Variants in MMRN1 observed in about 807,000 individuals in gnomAD.
The protein encoded by MMRN1 is multimerin-1.
In MMRN1, 94 loss-of-function variants were observed where a neutral mutation model predicts 100.7. That is an observed-to-expected ratio of 0.93 (90% CI 0.79 to 1.11). MMRN1 has a LOEUF of 1.11. MMRN1 is among the 50% of genes least tolerant of loss of function. MMRN1 has a pLI of 0.00. For missense variants in MMRN1, 1,606 were observed against 1,439.1 expected (o/e 1.12, Z -1.88); for synonymous variants, 575 against 505.0 (o/e 1.14, Z -1.86).
chr4:89,951,875 C>A, intron 7 of MMRN1, 124 bp downstream of exon 7: 1 of 1,139,240 alleles, frequency 8.8e-7, no homozygotes, highest in Non-Finnish European at 1.2e-6. Flanking sequence ...ATTCCTTTTA[C>A]TTTTTCGAAA....
intron 3 of MMRN1, among the ~76,000 whole-genome samples, chr4:89,914,673 G>A (rs1721858546): frequency 6.6e-6 from 1 of 151,302 alleles, no homozygotes; most frequent in South Asian, 2.1e-4. Context: ...TTTGCACAAG[G>A]GTTTTGCCTT....
Position 89,918,266 on chromosome 4 carries a change from C to T in MMRN1, c.851-4902C>T, listed in dbSNP as rs1198403678. On this transcript the variant is annotated intron_variant, in intron 3 of 7. Coordinates refer to ENST00000264790, the MANE Select transcript of MMRN1 (RefSeq NM_007351.3). ...CTTTGATCAGTTTTTTAACTATCTC[C>T]AGTTTAATAAGGGGAATTTTCTTTT... Among the ~76,000 whole-genome samples, 3 of 151,102 alleles carry T rather than the reference C, an allele frequency of 2.0e-5. No homozygotes were observed. In the South Asian group the frequency reaches 6.2e-4, roughly 31 times the overall value.
chr4:89,909,173 C>A (rs1420961519), intron 1 of MMRN1, 103 bp from the exon 2 acceptor site: 7 of 1,246,160 alleles, frequency 5.6e-6, no homozygotes, highest in Non-Finnish European at 7.8e-6. Context: ...GGTTTCTGAT[C>A]TATAGTATGG....
intron 6 of MMRN1, among the ~76,000 whole-genome samples, chr4:89,949,649 G>C (rs550458767): frequency 6.6e-6 from 1 of 152,196 alleles, no homozygotes; most frequent in Admixed American, 6.5e-5. Context: ...TTACACACAT[G>C]TAATATTTTA....
Position 89,895,301 on chromosome 4 carries a change from C to A in MMRN1, c.330C>A (p.Val110=). 2 of 1,613,370 alleles carry A rather than the reference C, an allele frequency of 1.2e-6. No homozygotes were observed. Among genetic ancestry groups the A allele is most frequent in the South Asian group, 2.2e-5 (2 of 91,052 alleles). ...LTSTEKAEGV[V]KLQNLTLPTN... ...CCACAGAGAAAGCAGAAGGAGTGGT[C>A]AAGTTACAGAATCTTACCCTCCCAA... The change falls in exon 1 of 8, where the codon GTC becomes GTA. Residue 110 remains valine, a synonymous_variant. Transcript: ENST00000264790.
intron 3 of MMRN1, among the ~76,000 whole-genome samples, chr4:89,919,722 T>C (rs1722029582): frequency 6.6e-6 from 1 of 152,020 alleles, no homozygotes; most frequent in African/African-American, 2.4e-5. Flanking sequence ...ATTCAAAAAT[T>C]CAAAAAATTC....
intron 4 of MMRN1, among the ~76,000 whole-genome samples, chr4:89,925,136 A>ATTAG (rs1553923744): frequency 6.6e-6 from 1 of 150,884 alleles, no homozygotes; most frequent in Non-Finnish European, 1.5e-5. Flanking sequence ...ATTCTTTTTT[A>ATTAG]TTATTTATTT....
rs1722642134 is a variant in MMRN1, at chr4:89,936,454, A to G, written c.2774A>G (p.His925Arg). 2 of 1,612,482 alleles carry G rather than the reference A, an allele frequency of 1.2e-6. No individual in the cohort carries two copies. Among genetic ancestry groups the G allele is most frequent in the Non-Finnish European group, 1.7e-6 (2 of 1,179,480 alleles). Residue 925 changes from histidine to arginine, a missense_variant, in exon 6 of 8, where the codon CAC (histidine) becomes CGC (arginine). By Grantham distance (29) the His-to-Arg change is conservative (BLOSUM62 0). Coordinates refer to ENST00000264790, the MANE Select transcript of MMRN1 (RefSeq NM_007351.3). Reference sequence around the variant, plus strand: ...TTCTTTTCGCTTAACAAAACTCTCCACGAAGTTTTAACAATGTGTCACAAT... The same window carrying G: ...TTCTTTTCGCTTAACAAAACTCTCCGCGAAGTTTTAACAATGTGTCACAAT... The part of the protein sequence containing the change: ...INFFSLNKTL[H>R]EVLTMCHNAS...
intron 6 of MMRN1, among the ~76,000 whole-genome samples, chr4:89,948,520 A>G (rs2110655241): frequency 6.6e-6 from 1 of 152,334 alleles, no homozygotes; most frequent in East Asian, 1.9e-4. Flanking sequence ...ACATCAGAGC[A>G]CAGGAGACCT....
At chr4:89,934,768 A>T in intron 5 of MMRN1, 42 bp from the exon 6 acceptor site, 1 of 1,169,950 alleles carries the variant, frequency 8.5e-7, no homozygotes. Context: ...TTAAAGTCTC[A>T]TATAATTAAA....
intron 4 of MMRN1, among the ~76,000 whole-genome samples, chr4:89,926,393 C>A (rs1056764100): frequency 3.3e-5 from 5 of 152,096 alleles, no homozygotes; most frequent in African/African-American, 1.2e-4. Flanking sequence ...TGTTAAGCAC[C>A]TTTTTATATG....
chr4:89,942,158 C>T (rs749933384), intron 6 of MMRN1, among the ~76,000 whole-genome samples: 2 of 152,144 alleles, frequency 1.3e-5, no homozygotes, highest in Non-Finnish European at 2.9e-5. Context: ...GTTCCATTTA[C>T]ACAGTCACTG....
chr4:89,947,523 C>G (rs1723025063), intron 6 of MMRN1, among the ~76,000 whole-genome samples: 1 of 152,128 alleles, frequency 6.6e-6, no homozygotes, highest in South Asian at 2.1e-4. Context: ...TCATAGAGAA[C>G]ATGATCCCTG....
chr4:89,935,672 A>G lies in MMRN1; in HGVS notation c.1992A>G (p.Thr664=), dbSNP rs772478587. The change falls in exon 6 of 8, where the codon ACA becomes ACG. Residue 664 remains threonine, a synonymous_variant. Coordinates refer to ENST00000264790, the MANE Select transcript of MMRN1 (RefSeq NM_007351.3). ...GAGCATCACTCAGACAGACAATGAC[A>G]TATGAACAACCAAAGGAAGCAATAG... ...EQGASLRQTM[T]YEQPKEAIVI... is the part of the protein sequence containing the mutation. 1.2e-6 allele frequency: 2 copies of G among 1,613,366 alleles called. No individual in the cohort carries two copies. Among genetic ancestry groups the G allele is most frequent in the South Asian group, 1.1e-5 (1 of 91,038 alleles).
chr4:89,935,651 A>T lies in MMRN1; in HGVS notation c.1971A>T (p.Ala657=), dbSNP rs756868977. ...EILQPLLEQG[A]SLRQTMTYEQ... Reference sequence around the variant, plus strand: ...TTCAACCCTTGCTTGAGCAGGGAGCATCACTCAGACAGACAATGACATATG... The same window carrying T: ...TTCAACCCTTGCTTGAGCAGGGAGCTTCACTCAGACAGACAATGACATATG... The change falls in exon 6 of 8, where the codon GCA becomes GCT. Residue 657 remains alanine, a synonymous_variant. Coordinates refer to ENST00000264790, the MANE Select transcript of MMRN1 (RefSeq NM_007351.3). 1 of 1,613,472 alleles carries T rather than the reference A, an allele frequency of 6.2e-7. No individual in the cohort carries two copies. The highest frequency in any genetic ancestry group is 8.5e-7 in the Non-Finnish European group (1 of 1,179,710).
chr4:89,897,214 A>ATTTT (rs201158467), intron 1 of MMRN1, among the ~76,000 whole-genome samples: 1 of 148,982 alleles, frequency 6.7e-6, no homozygotes. Flanking sequence ...ATAGCTAAGA[A>ATTTT]TTTTTTTTTT....
intron 1 of MMRN1, among the ~76,000 whole-genome samples, chr4:89,884,251 T>C (rs1292374349): frequency 2.0e-5 from 3 of 152,148 alleles, no homozygotes; most frequent in African/African-American, 7.2e-5. Flanking sequence ...TCTGCTAAGA[T>C]TAATTAATAT....
At chr4:89,907,048 C>T (rs1721586037) in intron 1 of MMRN1, among the ~76,000 whole-genome samples, 1 of 151,438 alleles carries the variant, frequency 6.6e-6, no homozygotes, top group African/African-American at 2.4e-5. Context: ...AGAGAATGTT[C>T]ATGTGACAAT....
intron 1 of MMRN1, among the ~76,000 whole-genome samples, chr4:89,884,018 C>A (rs1224103750): frequency 1.3e-5 from 2 of 151,944 alleles, no homozygotes; most frequent in African/African-American, 4.8e-5. Flanking sequence ...GGACTTGGTA[C>A]CTTTGTCCAA....
Sources: allele counts gnomAD v4.1 joint callset (sites outside exome capture counted in the v4.1 genomes callset), GRCh38; gene constraint gnomAD v4.1.1; transcripts MANE v1.5; gene names NCBI Gene and HGNC (gene_info 2026-07-23, HGNC 2026-07-21).